Variants in GAREM1 observed in about 807,000 individuals in gnomAD.
The protein encoded by GAREM1 is GRB2-associated and regulator of MAPK protein 1.
A neutral mutation model predicts 71.3 loss-of-function variants in GAREM1; 26 were observed. The observed-to-expected ratio is 0.36, with a 90% confidence interval of 0.27 to 0.51. GAREM1 has a LOEUF of 0.51. Ranked by LOEUF, GAREM1 falls within the 20% of genes least tolerant of loss-of-function variation. The probability of loss-of-function intolerance (pLI) is 0.95; values close to 1 mark genes in which losing one functional copy is unlikely to be tolerated. For missense variants in GAREM1, 1,026 were observed against 1,103.1 expected, an observed-to-expected ratio of 0.93 and a Z score of 0.99; for synonymous variants, 440 against 433.2, an observed-to-expected ratio of 1.02 and a Z score of -0.20.
At chr18:32,269,145 T>C (rs1218651145) in intron 5 of GAREM1, among the ~76,000 whole-genome samples, 2 of 152,072 alleles carry the variant, frequency 1.3e-5, no homozygotes, top group South Asian at 2.1e-4. Flanking sequence ...AAGGAGAGAA[T>C]AGTAAATGAG....
chr18:32,454,951 G>C lies in GAREM1; in HGVS notation c.121+15357C>G, dbSNP rs115007204. ...TGTGAAATGAACAGTGCAAAGACAA[G>C]ACAGGATCCCTGCTCTCTGCTCTTG... is the stretch of plus-strand genomic sequence containing the variant. On this transcript the variant is annotated intron_variant, in intron 1 of 5. Transcript: ENST00000269209. Among the ~76,000 whole-genome samples, 955 of 152,260 alleles carry C rather than the reference G, an allele frequency of 6.3e-3. 16 individuals carry two copies. The highest frequency in any genetic ancestry group is 0.022 in the African/African-American group (902 of 41,550).
chr18:32,468,959 G>A (rs1479959321), intron 1 of GAREM1, among the ~76,000 whole-genome samples: 1 of 24,696 alleles, frequency 4.0e-5, no homozygotes, highest in Non-Finnish European at 1.3e-4. Flanking sequence ...CCACCTGTGC[G>A]TCCCCCCCCC....
At chr18:32,356,209 A>G (rs2144600730) in intron 2 of GAREM1, among the ~76,000 whole-genome samples, 1 of 152,346 alleles carries the variant, frequency 6.6e-6, no homozygotes, top group South Asian at 2.1e-4. Context: ...TTTCCTTGAG[A>G]AAATGAGTAA....
At chr18:32,341,802 G>C (rs1457393570) in intron 2 of GAREM1, among the ~76,000 whole-genome samples, 1 of 152,106 alleles carries the variant, frequency 6.6e-6, no homozygotes, top group Non-Finnish European at 1.5e-5. Context: ...GTAATCCTCT[G>C]GGCTAAGACA....
chr18:32,305,451 T>C (rs765842768), intron 3 of GAREM1, among the ~76,000 whole-genome samples: 1 of 152,218 alleles, frequency 6.6e-6, no homozygotes, highest in Non-Finnish European at 1.5e-5. Context: ...AACATATCTA[T>C]CTCATAAGTC....
At chr18:32,411,332 C>T (rs760912555) in intron 1 of GAREM1, among the ~76,000 whole-genome samples, 11 of 152,108 alleles carry the variant, frequency 7.2e-5, no homozygotes, top group Non-Finnish European at 1.2e-4. Flanking sequence ...ACAAGTCAAA[C>T]GTTAGGGATT....
At position 32,287,064 on chromosome 18, in the gene GAREM1, T is replaced by A; in HGVS notation, c.1533A>T (p.Leu511=). 1 of 1,613,932 alleles carries A rather than the reference T, an allele frequency of 6.2e-7. No individual in the cohort carries two copies. The highest frequency in any genetic ancestry group is 8.5e-7 in the Non-Finnish European group (1 of 1,179,892). ...GAAVKSSDTA[L]PPPPVPPKSE... ...ATTTGGGAGGCACTGGAGGTGGAGG[T>A]AGGGCAGTATCTGAAGACTTCACTG... The change falls in exon 4 of 6, where the codon CTA becomes CTT. Residue 511 remains leucine, a synonymous_variant. Transcript: ENST00000269209. The surrounding 1 kb of genome is among the most constrained non-coding windows in gnomAD (Gnocchi z 5.9).
At chr18:32,386,877 C>A (rs74988960) in intron 2 of GAREM1, among the ~76,000 whole-genome samples, 5,139 of 152,146 alleles carry the variant, frequency 0.034, 129 homozygotes, top group East Asian at 0.11. Context: ...GAGCCATTTA[C>A]GCAAGTTAGA....
chr18:32,440,532 A>C (rs1017812424), intron 1 of GAREM1, among the ~76,000 whole-genome samples: 7 of 152,236 alleles, frequency 4.6e-5, no homozygotes, highest in Non-Finnish European at 1.0e-4. Context: ...AAGAAATCTC[A>C]GCCTTTGATT....
intron 1 of GAREM1, among the ~76,000 whole-genome samples, chr18:32,430,101 T>G (rs549001947): frequency 6.6e-6 from 1 of 152,236 alleles, no homozygotes; most frequent in South Asian, 2.1e-4. Flanking sequence ...CGAGGGGTGG[T>G]AAGTGGAAGA....
In GAREM1 at chr18:32,398,889, C is replaced by CT. The variant is rs1387168766; in HGVS notation, c.122-5855dup. 3.3e-5 allele frequency among the ~76,000 whole-genome samples: 5 copies of CT among 152,294 alleles called. No individual in the cohort carries two copies. In the East Asian group the frequency reaches 9.6e-4, roughly 29 times the overall value. The stretch of plus-strand genomic sequence containing the variant: ...AAAAAGAGAATTTTAGACCAATATC[C>CT]TGATGAACATTGATGCAAAAATCCT... On this transcript the variant is annotated intron_variant, in intron 1 of 5. Transcript: ENST00000269209.
intron 2 of GAREM1, among the ~76,000 whole-genome samples, chr18:32,366,723 C>G (rs1339731417): frequency 1.3e-5 from 2 of 152,278 alleles, no homozygotes; most frequent in East Asian, 1.9e-4. Context: ...GGCAGTTATG[C>G]AATAAAGAGT....
chr18:32,459,841 G>C (rs2048935626), intron 1 of GAREM1, among the ~76,000 whole-genome samples: 1 of 152,050 alleles, frequency 6.6e-6, no homozygotes, highest in Non-Finnish European at 1.5e-5. Context: ...ATCAATCATG[G>C]AATATAGCAT....
chr18:32,309,156 T>C (rs1389817858), intron 3 of GAREM1, among the ~76,000 whole-genome samples: 1 of 150,044 alleles, frequency 6.7e-6, no homozygotes, highest in Non-Finnish European at 1.5e-5. Flanking sequence ...CTTTCTAAAG[T>C]GTTTTAGTGT....
At chr18:32,364,041 T>TTTTTTTTG (rs2047904943) in intron 2 of GAREM1, among the ~76,000 whole-genome samples, 1 of 105,130 alleles carries the variant, frequency 9.5e-6, no homozygotes. Context: ...TTTTTTTTTT[T>TTTTTTTTG]TTTTTTTTTG....
Position 32,268,230 on chromosome 18 carries a change from C to G in GAREM1, c.2272G>C (p.Gly758Arg), listed in dbSNP as rs762039197. The change falls in exon 6 of 6, where the codon GGG becomes CGG. Residue 758 changes from glycine to arginine, a missense_variant. Coordinates refer to ENST00000269209, the MANE Select transcript of GAREM1 (RefSeq NM_001242409.2). ...IDGAEEDPKS[G>R]SPDLSEDQYF... is the part of the protein sequence containing the mutation. ...TGGTCCTCCGAGAGATCTGGTGACCCAGACTTGGGGTCTTCCTCAGCACCA... is the reference window on the plus strand; with the variant it reads ...TGGTCCTCCGAGAGATCTGGTGACCGAGACTTGGGGTCTTCCTCAGCACCA... 6.2e-7 allele frequency: 1 copy of G among 1,614,112 alleles called. No individual in the cohort carries two copies.
chr18:32,421,783 C>G (rs146546078), intron 1 of GAREM1, among the ~76,000 whole-genome samples: 1,968 of 152,146 alleles, frequency 0.013, 57 homozygotes, highest in African/African-American at 0.045. Context: ...TTTTCCTTCC[C>G]TTCTTAACAG....
intron 1 of GAREM1, among the ~76,000 whole-genome samples, chr18:32,403,668 C>T (rs1432696657): frequency 1.3e-5 from 2 of 151,838 alleles, no homozygotes; most frequent in East Asian, 3.9e-4. Context: ...ATCAACCTCC[C>T]AGGCTCAAGT....
intron 1 of GAREM1, among the ~76,000 whole-genome samples, chr18:32,457,224 A>AGGGTGTGTGTGT (rs1309543369): frequency 9.3e-6 from 1 of 107,360 alleles, no homozygotes; most frequent in Non-Finnish European, 1.9e-5. Flanking sequence ...AGAGAGAGAG[A>AGGGTGTGTGTGT]GAGTGTGTGT....
Sources: gnomAD v4.1 joint callset for allele counts (sites outside exome capture counted in the v4.1 genomes callset) on GRCh38, gnomAD v4.1.1 for gene constraint, Gnocchi (gnomAD v3.1) non-coding constraint, MANE v1.5 for transcripts, NCBI Gene and HGNC (gene_info 2026-07-23, HGNC 2026-07-21) for gene names.